The following MRPS17 variants were observed in gnomAD, a reference collection of about 807,000 sequenced individuals.
MRPS17 encodes small ribosomal subunit protein uS17m.
MRPS17 carries 6 observed loss-of-function variants against 11.3 expected under a neutral mutation model. The observed-to-expected ratio is 0.53, with a 90% confidence interval of 0.29 to 1.05. The LOEUF is 1.05. MRPS17 is among the 50% of genes least tolerant of loss of function. MRPS17 has a pLI of 0.08. For synonymous variants in MRPS17, 56 were observed against 60.4 expected (o/e 0.93, Z 0.34); for missense variants, 139 against 153.6 (o/e 0.90, Z 0.50).
chr7:55,952,822 G>A (rs1584329334), intron 1 of MRPS17, among the ~76,000 whole-genome samples: 1 of 151,864 alleles, frequency 6.6e-6, no homozygotes, highest in South Asian at 2.1e-4. Flanking sequence ...ACGAGGTCAG[G>A]AGATCAAGAC....
chr7:55,955,539 T>A lies in MRPS17; in HGVS notation c.*361T>A. 1 of 178,268 alleles carries A rather than the reference T, an allele frequency of 5.6e-6. No individual in the cohort carries two copies. Among genetic ancestry groups the A allele is most frequent in the Admixed American group, 6.1e-5 (1 of 16,486 alleles). The allele number at this position is 178,268 out of a possible 1,614,324, so 11.0% of individuals were successfully genotyped here. ...AGCTCCGCCTCCCGGGTTCACGCCG[T>A]TCTCCTGCCTCAGCCTCCCGAGTAG... On this transcript the variant is annotated 3_prime_UTR_variant, in exon 3 of 3. Transcript: ENST00000285298.
rs1400666631 is a variant in MRPS17, at chr7:55,953,243, G to A, written c.48G>A (p.Lys16=). The part of the protein sequence containing the change: ...SSVHARWIVG[K]VIGTKMQKTA... ...TCCATGCCAGATGGATTGTGGGGAA[G>A]GTGATTGGGACAAAAATGCAAAAGA... Residue 16 remains lysine (K), a synonymous_variant, in exon 2 of 3, where the codon AAG becomes AAA. Coordinates refer to ENST00000285298, the MANE Select transcript of MRPS17 (RefSeq NM_015969.3). 1.2e-6 allele frequency: 2 copies of A among 1,614,058 alleles called. No individual in the cohort carries two copies. The highest frequency in any genetic ancestry group is 1.7e-6 in the Non-Finnish European group (2 of 1,180,042).
Position 55,955,758 on chromosome 7 carries a change from T to A in MRPS17, c.*580T>A, listed in dbSNP as rs1185810812. ...CACTGTGCTTAGCAAGCTCACTGTT[T>A]TAGAAGGTTTTATTTTTGTCTTTTG... On this transcript the variant is annotated 3_prime_UTR_variant, in exon 3 of 3. Transcript: ENST00000285298. 6.5e-6 allele frequency: 1 copy of A among 152,944 alleles called. No individual in the cohort carries two copies. The highest frequency in any genetic ancestry group is 1.5e-5 in the Non-Finnish European group (1 of 68,962). 9.5% of individuals were successfully genotyped at this position (152,944 alleles called of 1,614,324 possible).
At chr7:55,952,553 G>A (rs1284092980) in intron 1 of MRPS17, among the ~76,000 whole-genome samples, 1 of 151,718 alleles carries the variant, frequency 6.6e-6, no homozygotes, top group Non-Finnish European at 1.5e-5. Context: ...TGGCCAACAT[G>A]GTGAAACTCT....
chr7:55,955,474 C>T lies in MRPS17; in HGVS notation c.*296C>T, dbSNP rs1786713779. Reference sequence around the variant, plus strand: ...TTTGAGATGGAATCTCACTCTGTCACCCAGGCTGGAGTGCAGTGGTGCAAT... The same window carrying T: ...TTTGAGATGGAATCTCACTCTGTCATCCAGGCTGGAGTGCAGTGGTGCAAT... On this transcript the variant is annotated 3_prime_UTR_variant, in exon 3 of 3. Transcript: ENST00000285298. 1.2e-5 allele frequency: 4 copies of T among 325,028 alleles called. No homozygotes were observed. Among genetic ancestry groups the T allele is most frequent in the Admixed American group, 4.7e-5 (1 of 21,158 alleles). The allele number at this position is 325,028 out of a possible 1,614,324, so 20.1% of individuals were successfully genotyped here. A position where few individuals can be genotyped will look rare whatever the true frequency, so the allele number is the denominator to read the frequency against.
chr7:55,952,875 C>T (rs955235956), intron 1 of MRPS17, among the ~76,000 whole-genome samples: 4 of 149,066 alleles, frequency 2.7e-5, no homozygotes, highest in Non-Finnish European at 4.5e-5. Flanking sequence ...ACTAAAAATA[C>T]AAAAAAATTA....
At position 55,956,127 on chromosome 7, in the gene MRPS17, CTT is replaced by C. The variant is rs113834108; in HGVS notation, c.*960_*961del. On this transcript the variant is annotated 3_prime_UTR_variant, in exon 3 of 3. Coordinates refer to ENST00000285298, the MANE Select transcript of MRPS17 (RefSeq NM_015969.3). Reference sequence around the variant, plus strand: ...AACCTTTATTTTGAAGGAAGAAAGTCTTTTTTTTTTTTGAGCTGGAGTTTCAC... The same window carrying C: ...AACCTTTATTTTGAAGGAAGAAAGTCTTTTTTTTTTGAGCTGGAGTTTCAC... 0.02 allele frequency: 2,831 copies of C among 145,004 alleles called. 29 individuals are homozygous for C. Among genetic ancestry groups the C allele is most frequent in the Non-Finnish European group, 0.03 (1,969 of 65,814 alleles). 9.0% of individuals were successfully genotyped at this position (145,004 alleles called of 1,614,324 possible). A position where few individuals can be genotyped will look rare whatever the true frequency, so the allele number is the denominator to read the frequency against.
In MRPS17 at chr7:55,955,184, G is replaced by A. The variant is rs771373522; in HGVS notation, c.*6G>A. 1.9e-6 allele frequency: 3 copies of A among 1,609,336 alleles called. No homozygotes were observed. The Admixed American group carries it at 5.0e-5, about 27-fold the overall frequency. On this transcript the variant is annotated 3_prime_UTR_variant, in exon 3 of 3. Transcript: ENST00000285298. ...ATATCTCTTCAGCACAGTGAAGCGG[G>A]AGTGGAAGAAGGATCTAAAGGGAAA...
At position 55,953,209 on chromosome 7, in the gene MRPS17, G is replaced by C. The variant is rs561047371; in HGVS notation, c.14G>C (p.Arg5Pro). Residue 5 changes from arginine to proline, a missense_variant, in exon 2 of 3, where the codon CGC becomes CCC. Physicochemically the swap from Arg to Pro is moderately radical, Grantham distance 103. Coordinates refer to ENST00000285298, the MANE Select transcript of MRPS17 (RefSeq NM_015969.3). MSVV[R>P]SSVHARWIVG... ...CAAAGCCACGTAATGTCCGTAGTTCGCTCATCCGTCCATGCCAGATGGATT... is the reference window on the plus strand; with the variant it reads ...CAAAGCCACGTAATGTCCGTAGTTCCCTCATCCGTCCATGCCAGATGGATT... 7.4e-6 allele frequency: 12 copies of C among 1,614,030 alleles called. No individual in the cohort carries two copies. The highest frequency in any genetic ancestry group is 6.6e-5 in the South Asian group (6 of 91,072).
intron 1 of MRPS17, 141 bp downstream of exon 1, chr7:55,952,071 C>T (rs997779308): frequency 1.3e-5 from 2 of 151,648 alleles, no homozygotes; most frequent in East Asian, 3.9e-4. Flanking sequence ...GGGGCGAGGG[C>T]ACGAATCACC....
Position 55,955,353 on chromosome 7 carries a change from G to T in MRPS17, c.*175G>T. On this transcript the variant is annotated 3_prime_UTR_variant, in exon 3 of 3. Transcript: ENST00000285298. ...TGGTTTTTCACAAAGGTTTATGGTC[G>T]TGTTTCAAATTTTCATCATTTCAGT... 1 of 779,164 alleles carries T rather than the reference G, an allele frequency of 1.3e-6. No individual in the cohort carries two copies. The highest frequency in any genetic ancestry group is 1.9e-5 in the South Asian group (1 of 51,388). The allele number at this position is 779,164 out of a possible 1,614,324, so 48.3% of individuals were successfully genotyped here.
In MRPS17 at chr7:55,954,993, C is replaced by T. The variant is rs143460040; in HGVS notation, c.208C>T (p.Pro70Ser). ...GGATATTGTGCTTCTCAGAGCTTTA[C>T]CTGTTCCACGAGCAAAGCATGTGAA... Reference protein sequence around the residue: ...VGDIVLLRALPVPRAKHVKHE... With the variant: ...VGDIVLLRALSVPRAKHVKHE... The change falls in exon 3 of 3, where the codon CCT becomes TCT. Residue 70 changes from proline (P) to serine (S), a missense_variant. Coordinates refer to ENST00000285298, the MANE Select transcript of MRPS17 (RefSeq NM_015969.3). The T allele has an allele frequency of 1.9e-4, 302 of 1,614,174 alleles. 1 individual carries two copies. The African/African-American group carries it at 3.1e-3, about 17-fold the overall frequency.
Position 55,955,162 on chromosome 7 carries a change from T to C in MRPS17, c.377T>C (p.Ile126Thr). 1 of 1,614,120 alleles carries C rather than the reference T, an allele frequency of 6.2e-7. No individual in the cohort carries two copies. Among genetic ancestry groups the C allele is most frequent in the Non-Finnish European group, 8.5e-7 (1 of 1,180,030 alleles). ...QLSKNLEELN[I>T]SSAQ ...AGCAAAAATCTGGAAGAACTCAATA[T>C]CTCTTCAGCACAGTGAAGCGGGAGT... Residue 126 changes from isoleucine (I) to threonine (T), a missense_variant, in exon 3 of 3, where the codon ATC becomes ACC. Coordinates refer to ENST00000285298, the MANE Select transcript of MRPS17 (RefSeq NM_015969.3).
At chr7:55,953,467 G>GT in intron 2 of MRPS17, 149 bp downstream of exon 2, 1 of 1,086,608 alleles carries the variant, frequency 9.2e-7, no homozygotes, top group East Asian at 2.5e-5. Flanking sequence ...GTATAACACG[G>GT]TTTACACATT....
chr7:55,955,129 C>A lies in MRPS17; in HGVS notation c.344C>A (p.Thr115Asn). ...YLESPLSSETTQLSKNLEELN... is the reference protein window; with the variant it reads ...YLESPLSSETNQLSKNLEELN... ...GAGAGTCCGTTGAGTTCGGAAACCACCCAGCTAAGCAAAAATCTGGAAGAA... is the reference window on the plus strand; with the variant it reads ...GAGAGTCCGTTGAGTTCGGAAACCAACCAGCTAAGCAAAAATCTGGAAGAA... The change falls in exon 3 of 3, where the codon ACC becomes AAC. Residue 115 changes from threonine to asparagine, a missense_variant. Physicochemically the swap from Thr to Asn is moderately conservative, Grantham distance 65 (BLOSUM62 0). Transcript: ENST00000285298. 6.2e-7 allele frequency: 1 copy of A among 1,614,128 alleles called. No homozygotes were observed. The highest frequency in any genetic ancestry group is 8.5e-7 in the Non-Finnish European group (1 of 1,180,042).
rs140486730 is a variant in MRPS17 at position 55,954,454 on chromosome 7, G to A, written c.124-455G>A. ...AAGAATAGGTGATTCTAGGCTGGGC[G>A]CGGTGGCTCATGCCTGTAATCCCAG... On this transcript the variant is annotated intron_variant, in intron 2 of 2. Transcript: ENST00000285298. Among the ~76,000 whole-genome samples the A allele has an allele frequency of 4.0e-3, 604 of 152,254 alleles. 4 individuals are homozygous for A. The highest frequency in any genetic ancestry group is 0.013 in the African/African-American group (557 of 41,556).
chr7:55,955,152 G>T lies in MRPS17; in HGVS notation c.367G>T (p.Glu123Ter). 6.2e-7 allele frequency: 1 copy of T among 1,614,028 alleles called. No homozygotes were observed. Among genetic ancestry groups the T allele is most frequent in the East Asian group, 2.2e-5 (1 of 44,890 alleles). Residue 123 changes from glutamate (E) to a stop codon, truncating the protein, a stop_gained, in exon 3 of 3, where the codon GAA becomes TAA. Coordinates refer to ENST00000285298, the MANE Select transcript of MRPS17 (RefSeq NM_015969.3). LOFTEE classifies it high-confidence loss of function. ...ETTQLSKNLE[E>*]LNISSAQ is the part of the protein sequence containing the mutation. The stretch of plus-strand genomic sequence containing the variant: ...CACCCAGCTAAGCAAAAATCTGGAA[G>T]AACTCAATATCTCTTCAGCACAGTG...
chr7:55,953,373 GTCCT>G, intron 2 of MRPS17, 55 bp downstream of exon 2: 1 of 1,592,204 alleles, frequency 6.3e-7, no homozygotes, highest in African/African-American at 1.4e-5. Flanking sequence ...CATGTCCTGG[GTCCT>G]AAGCAAAAAA....
chr7:55,953,636 A>G (rs747241052), intron 2 of MRPS17, among the ~76,000 whole-genome samples: 18 of 152,180 alleles, frequency 1.2e-4, no homozygotes, highest in Admixed American at 3.3e-4. Context: ...AGTCTGGCCA[A>G]CGTGGTGAAA....
Sources: allele counts gnomAD v4.1 joint callset (sites outside exome capture counted in the v4.1 genomes callset), GRCh38; gene constraint gnomAD v4.1.1; transcripts MANE v1.5; gene names NCBI Gene and HGNC (gene_info 2026-07-23, HGNC 2026-07-21).